The following TLCD3B variants were observed in gnomAD, a reference collection of about 807,000 sequenced individuals.
TLCD3B encodes the protein ceramide synthase.
A neutral mutation model predicts 23.0 loss-of-function variants in TLCD3B; 9 were observed. The observed-to-expected ratio is 0.39, with a 90% CI of 0.24 to 0.68. The LOEUF (loss-of-function observed/expected upper bound fraction) is 0.68. Among genes scored for constraint, TLCD3B ranks in the 30% least tolerant of loss-of-function variants. The pLI, the probability that TLCD3B is intolerant of heterozygous loss-of-function variation, is 0.44. For synonymous variants in TLCD3B, 161 were observed against 161.0 expected, an observed-to-expected ratio of 1.00 and a Z score of 0.00; for missense variants, 307 against 371.8, an observed-to-expected ratio of 0.83 and a Z score of 1.43.
intron 1 of TLCD3B, among the ~76,000 whole-genome samples, chr16:30,049,231 T>G (rs538057639): frequency 6.6e-6 from 1 of 152,212 alleles, no homozygotes; most frequent in Non-Finnish European, 1.5e-5. Context: ...CACTGCTTCT[T>G]TATTCCCCCA....
Position 30,025,888 on chromosome 16 carries a change from T to C in TLCD3B, c.445-67A>G. 8.1e-7 allele frequency: 1 copy of C among 1,239,674 alleles called. No homozygotes were observed. Among genetic ancestry groups the C allele is most frequent in the South Asian group, 1.2e-5 (1 of 80,560 alleles). The allele number at this position is 1,239,674 out of a possible 1,614,324, so 76.8% of individuals were successfully genotyped here. ...TGGGTTCTTGGGCAGCCCCCGCCCT[T>C]CCTCTTTCCCCTCTGTCACTTTGGG... is the stretch of plus-strand genomic sequence containing the variant. On this transcript the variant is annotated intron_variant, in intron 3 of 4. Transcript: ENST00000380495. This position sits in a 1 kb window ranked among gnomAD's most constrained non-coding sequence, Gnocchi z 4.1.
chr16:30,027,289 C>T, intron 2 of TLCD3B: 1 of 408,422 alleles, frequency 2.4e-6, no homozygotes, highest in South Asian at 1.7e-5. Flanking sequence ...CCATTCCTGC[C>T]TCCTGGGACA....
chr16:30,035,592 T>G, upstream of TLCD3B: 1 of 1,092,796 alleles, frequency 9.2e-7, no homozygotes, highest in Non-Finnish European at 1.2e-6. Context: ...AAGAGACCCA[T>G]CCATCTGTGG....
chr16:30,026,621 G>A lies in TLCD3B; in HGVS notation c.432C>T (p.Phe144=), dbSNP rs765122754. The change falls in exon 3 of 5, where the codon TTC becomes TTT. Residue 144 remains phenylalanine, a synonymous_variant. Coordinates refer to ENST00000380495, the MANE Select transcript of TLCD3B (RefSeq NM_031478.6). ...LHHAAMVLVC[F]PLSVVWRQGK... ...CCCCGGGACTCACCACTGAGAGTGGGAAGCACACCAGCACCATGGCGGCAT... is the reference window on the plus strand; with the variant it reads ...CCCCGGGACTCACCACTGAGAGTGGAAAGCACACCAGCACCATGGCGGCAT... The A allele has an allele frequency of 1.2e-6, 2 of 1,613,390 alleles. No homozygotes were observed. The highest frequency in any genetic ancestry group is 2.2e-5 in the East Asian group (1 of 44,884).
intron 2 of TLCD3B, 65 bp from the exon 3 acceptor site, chr16:30,026,908 A>T: frequency 1.4e-6 from 2 of 1,384,352 alleles, no homozygotes; most frequent in South Asian, 2.4e-5. Flanking sequence ...TTGGGGTCAG[A>T]TCTCAGGGGT....
At position 30,025,853 on chromosome 16, in the gene TLCD3B, G is replaced by A. The variant is rs761682831; in HGVS notation, c.445-32C>T. ...ACAGAGGCAGGAAGGTGAGGAGCTG[G>A]GGCTCTCCCTGGGTTCTTGGGCAGC... On this transcript the variant is annotated intron_variant, in intron 3 of 4. Transcript: ENST00000380495. The surrounding 1 kb of genome is among the most constrained non-coding windows in gnomAD (Gnocchi z 4.1). The A allele has an allele frequency of 6.3e-7, 1 of 1,578,150 alleles. No individual in the cohort carries two copies. The highest frequency in any genetic ancestry group is 2.2e-5 in the East Asian group (1 of 44,710).
chr16:30,039,103 CTTTTTTTTTTTTTTTTT>C (rs1018184417), intron 3 of TLCD3B, among the ~76,000 whole-genome samples: 1 of 99,616 alleles, frequency 1.0e-5, no homozygotes, highest in African/African-American at 4.1e-5. Flanking sequence ...TCCTTCCTCT[CTTTTTTTTTTTTTTTTT>C]TTTTTTTTTT....
intron 2 of TLCD3B, among the ~76,000 whole-genome samples, chr16:30,046,083 C>G (rs1433362620): frequency 6.6e-6 from 1 of 152,090 alleles, no homozygotes; most frequent in Admixed American, 6.5e-5. Context: ...GCACTCCAAC[C>G]TGGGTGACAG....
At chr16:30,026,451 C>T (rs2071140214) in intron 3 of TLCD3B, among the ~76,000 whole-genome samples, 158 bp downstream of exon 3, 1 of 152,132 alleles carries the variant, frequency 6.6e-6, no homozygotes, top group South Asian at 2.1e-4. Context: ...TGGGCTGGTG[C>T]TCAGTGAACC....
intron 3 of TLCD3B, chr16:30,036,517 GA>G: frequency 1.1e-6 from 1 of 940,212 alleles, no homozygotes; most frequent in Non-Finnish European, 1.4e-6. Flanking sequence ...GGGATAAAAG[GA>G]AGGTGTCAAA....
Position 30,029,049 on chromosome 16 carries a change from A to G in TLCD3B, c.209+383T>C, listed in dbSNP as rs555119359. Among the ~76,000 whole-genome samples the G allele has an allele frequency of 1.6e-4, 25 of 152,110 alleles. No homozygotes were observed. In the South Asian group the frequency reaches 5.2e-3, roughly 32 times the overall value. On this transcript the variant is annotated intron_variant, in intron 2 of 4. Transcript: ENST00000380495. This position sits in a 1 kb window ranked among gnomAD's most constrained non-coding sequence, Gnocchi z 4.6. Reference sequence around the variant, plus strand: ...GGATGCCGGATGCCTGGATTATGGGAAGGGCTGAGGGGTGAGCCTGGCATG... The same window carrying G: ...GGATGCCGGATGCCTGGATTATGGGGAGGGCTGAGGGGTGAGCCTGGCATG...
chr16:30,034,918 T>C (rs1041760017), upstream of TLCD3B, among the ~76,000 whole-genome samples: 2 of 149,074 alleles, frequency 1.3e-5, no homozygotes, highest in African/African-American at 4.9e-5. Flanking sequence ...TCTTTTTCTT[T>C]TTTTTTTTTT....
chr16:30,043,671 T>G (rs2071612722), intron 2 of TLCD3B, among the ~76,000 whole-genome samples: 1 of 152,154 alleles, frequency 6.6e-6, no homozygotes, highest in South Asian at 2.1e-4. Flanking sequence ...TTGTGCGTTT[T>G]GTTTTGTTTT....
At chr16:30,045,118 A>AAT (rs1266959256) in intron 2 of TLCD3B, among the ~76,000 whole-genome samples, 2 of 151,008 alleles carry the variant, frequency 1.3e-5, no homozygotes, top group Non-Finnish European at 3.0e-5. Flanking sequence ...AAAAAAAAAA[A>AAT]AGAACAAAAA....
intron 2 of TLCD3B, among the ~76,000 whole-genome samples, chr16:30,045,982 T>C (rs937069726): frequency 3.9e-5 from 6 of 152,008 alleles, no homozygotes; most frequent in African/African-American, 1.5e-4. Flanking sequence ...TGGTGCTGTG[T>C]GCCTGTAGTC....
At position 30,025,148 on chromosome 16, in the gene TLCD3B, G is replaced by C; in HGVS notation, c.*35C>G. 7.7e-7 allele frequency: 1 copy of C among 1,307,066 alleles called. No individual in the cohort carries two copies. The highest frequency in any genetic ancestry group is 1.6e-5 in the South Asian group (1 of 64,396). The allele number at this position is 1,307,066 out of a possible 1,614,324, so 81.0% of individuals were successfully genotyped here. On this transcript the variant is annotated 3_prime_UTR_variant, in exon 5 of 5. Transcript: ENST00000380495. This position sits in a 1 kb window ranked among gnomAD's most constrained non-coding sequence, Gnocchi z 4.1. ...CCCAGAGCCCTGTCTCCACGGGGGT[G>C]GGGGTGGGGAGGGGGAGGGTCCCGG... is the stretch of plus-strand genomic sequence containing the variant.
In TLCD3B at chr16:30,025,515, C is replaced by T. The variant is rs777338904; in HGVS notation, c.541-48G>A. On this transcript the variant is annotated intron_variant, in intron 4 of 4. Coordinates refer to ENST00000380495, the MANE Select transcript of TLCD3B (RefSeq NM_031478.6). This position sits in a 1 kb window ranked among gnomAD's most constrained non-coding sequence, Gnocchi z 4.1. ...GCCACGGCAGCAGAAGGGCTCGGCC[C>T]CCCTTGGCCCTCTCCCTGCCTCCCT... The T allele has an allele frequency of 3.1e-6, 5 of 1,602,880 alleles. No individual in the cohort carries two copies. In the South Asian group the frequency reaches 5.5e-5, roughly 18 times the overall value.
intron 3 of TLCD3B, among the ~76,000 whole-genome samples, chr16:30,036,822 C>A (rs563445793): frequency 6.6e-6 from 1 of 152,136 alleles, no homozygotes; most frequent in Non-Finnish European, 1.5e-5. Flanking sequence ...TGGTGACTCA[C>A]GCCTGTAATC....
At chr16:30,043,845 C>T (rs578143408) in intron 2 of TLCD3B, among the ~76,000 whole-genome samples, 6 of 151,206 alleles carry the variant, frequency 4.0e-5, no homozygotes, top group East Asian at 2.0e-4. Context: ...CCACCATGCA[C>T]GGCTAATTTT....
Sources: gnomAD v4.1 joint callset for allele counts (sites outside exome capture counted in the v4.1 genomes callset) on GRCh38, gnomAD v4.1.1 for gene constraint, Gnocchi (gnomAD v3.1) non-coding constraint, MANE v1.5 for transcripts, NCBI Gene and HGNC (gene_info 2026-07-23, HGNC 2026-07-21) for gene names.